ST3GAL4: variants seen among roughly 807,000 people sequenced by gnomAD.
ST3GAL4 encodes ST3 beta-galactoside alpha-2,3-sialyltransferase 4.
A neutral mutation model predicts 42.6 loss-of-function variants in ST3GAL4; 24 were observed. The ratio of observed to expected loss-of-function variants is 0.56; its 90% confidence interval spans 0.41 to 0.79. The LOEUF is 0.79. ST3GAL4 is among the 30% of genes least tolerant of loss of function. The pLI is 0.00. For synonymous variants in ST3GAL4, 135 were observed against 163.2 expected (o/e 0.83, Z 1.32); for missense variants, 311 against 430.8 (o/e 0.72, Z 2.46).
Position 126,414,206 on chromosome 11 carries a change from C to T in ST3GAL4, c.*159C>T, listed in dbSNP as rs1954646452. On this transcript the variant is annotated 3_prime_UTR_variant, in exon 11 of 11. Transcript: ENST00000444328. ...GGCCAGGTCTGAGATGAGGCCATGC[C>T]CCTGGCTGCTCTTATGGAGCCGAGA... is the stretch of plus-strand genomic sequence containing the variant. 4 of 693,256 alleles carry T rather than the reference C, an allele frequency of 5.8e-6. No homozygotes were observed. Among genetic ancestry groups the T allele is most frequent in the South Asian group, 3.5e-5 (2 of 57,634 alleles). The allele number at this position is 693,256 out of a possible 1,614,324, so 42.9% of individuals were successfully genotyped here. A position where few individuals can be genotyped will look rare whatever the true frequency, so the allele number is the denominator to read the frequency against.
At chr11:126,372,178 C>A (rs1167018440) in intron 1 of ST3GAL4, among the ~76,000 whole-genome samples, 2 of 152,176 alleles carry the variant, frequency 1.3e-5, no homozygotes, top group African/African-American at 4.8e-5. Flanking sequence ...CTTTTCGTCT[C>A]GTCAAACTGA....
intron 1 of ST3GAL4, among the ~76,000 whole-genome samples, chr11:126,387,596 C>T (rs1953279421): frequency 6.6e-6 from 1 of 151,452 alleles, no homozygotes; most frequent in Non-Finnish European, 1.5e-5. Context: ...AGGGTTGCTT[C>T]AGCCTGGTGG....
At chr11:126,375,013 C>G (rs1434101394) in intron 1 of ST3GAL4, 2 of 152,228 alleles carry the variant, frequency 1.3e-5, no homozygotes, top group Non-Finnish European at 2.9e-5. Flanking sequence ...AGACTGACTC[C>G]TGGACAGGCT....
At position 126,398,416 on chromosome 11, in the gene ST3GAL4, G is replaced by A. The variant is rs958624124; in HGVS notation, c.-60-7680G>A. Reference sequence around the variant, plus strand: ...TCGGGTAGGGACTTGGGCCCCCAAGGCCTCCGGCAGCCCTGCTTCCCTGGC... The same window carrying A: ...TCGGGTAGGGACTTGGGCCCCCAAGACCTCCGGCAGCCCTGCTTCCCTGGC... On this transcript the variant is annotated intron_variant, in intron 1 of 10. Transcript: ENST00000444328. This position sits in a 1 kb window ranked among gnomAD's most constrained non-coding sequence, Gnocchi z 4.7. 7.9e-5 allele frequency among the ~76,000 whole-genome samples: 12 copies of A among 152,212 alleles called. No homozygotes were observed. The highest frequency in any genetic ancestry group is 2.9e-4 in the African/African-American group (12 of 41,454).
At chr11:126,381,819 G>T (rs530762853) in intron 1 of ST3GAL4, among the ~76,000 whole-genome samples, 2 of 151,608 alleles carry the variant, frequency 1.3e-5, no homozygotes, top group South Asian at 4.2e-4. Flanking sequence ...GCCATTAAAA[G>T]GGGAATCCAT....
intron 1 of ST3GAL4, among the ~76,000 whole-genome samples, chr11:126,402,451 GAAAAAA>G (rs575036017): frequency 9.9e-6 from 1 of 100,990 alleles, no homozygotes. Flanking sequence ...AAGACTGTCT[GAAAAAA>G]AAAAAAAAAA....
At position 126,397,137 on chromosome 11, in the gene ST3GAL4, G is replaced by A. The variant is rs1475133680; in HGVS notation, c.-60-8959G>A. On this transcript the variant is annotated intron_variant, in intron 1 of 10. Coordinates refer to ENST00000444328, the MANE Select transcript of ST3GAL4 (RefSeq NM_001254757.2). The surrounding 1 kb of genome is among the most constrained non-coding windows in gnomAD (Gnocchi z 5.0). ...CGTTTTGAGCGTGCAGTACATTTCA[G>A]TTGTTAGTGGAACATGCAATACATC... Among the ~76,000 whole-genome samples, 2 of 152,078 alleles carry A rather than the reference G, an allele frequency of 1.3e-5. No individual in the cohort carries two copies. The highest frequency in any genetic ancestry group is 2.4e-5 in the African/African-American group (1 of 41,352).
intron 1 of ST3GAL4, among the ~76,000 whole-genome samples, chr11:126,388,070 A>C (rs1953298636): frequency 6.6e-6 from 1 of 152,210 alleles, no homozygotes; most frequent in Non-Finnish European, 1.5e-5. Flanking sequence ...CTGACAGACA[A>C]GTCTGTAGAA....
intron 1 of ST3GAL4, among the ~76,000 whole-genome samples, chr11:126,390,618 C>CTTTTTTTTTTTTTTTTT (rs58153137): frequency 2.1e-4 from 26 of 126,630 alleles, no homozygotes; most frequent in African/African-American, 4.8e-4. Flanking sequence ...GTGTTCTTTG[C>CTTTTTTTTTTTTTTTTT]TTTTTTTTTT....
In ST3GAL4 at chr11:126,406,147, C is replaced by T. The variant is rs1041012797; in HGVS notation, c.-9C>T. On this transcript the variant is annotated 5_prime_UTR_variant, in exon 2 of 11. Transcript: ENST00000444328. The surrounding 1 kb of genome is among the most constrained non-coding windows in gnomAD (Gnocchi z 5.4). ...CTCTCCCCAGGAATCCTGCTGCCTG[C>T]TGAGAAACATGGTCAGCAAGTCCCG... 1.9e-6 allele frequency: 3 copies of T among 1,554,680 alleles called. No homozygotes were observed. Among genetic ancestry groups the T allele is most frequent in the Non-Finnish European group, 2.6e-6 (3 of 1,148,698 alleles).
At position 126,376,374 on chromosome 11, in the gene ST3GAL4, C is replaced by T. The variant is rs1952834140; in HGVS notation, c.-61+20532C>T. Among the ~76,000 whole-genome samples the T allele has an allele frequency of 6.6e-6, 1 of 152,168 alleles. No homozygotes were observed. Among genetic ancestry groups the T allele is most frequent in the Non-Finnish European group, 1.5e-5 (1 of 68,022 alleles). ...CGAAAGAGGTTTAGTGGCCCAATGA[C>T]AGTTTCAGAGGCAGGTGTTTGGAGA... On this transcript the variant is annotated intron_variant, in intron 1 of 10. Coordinates refer to ENST00000444328, the MANE Select transcript of ST3GAL4 (RefSeq NM_001254757.2). The surrounding 1 kb of genome is among the most constrained non-coding windows in gnomAD (Gnocchi z 5.1).
chr11:126,404,161 G>T (rs1954130147), intron 1 of ST3GAL4, among the ~76,000 whole-genome samples: 1 of 152,200 alleles, frequency 6.6e-6, no homozygotes, highest in Admixed American at 6.5e-5. Context: ...AATCGCCAGG[G>T]TATCGTGTTT....
chr11:126,411,729 C>A lies in ST3GAL4; in HGVS notation c.772-1776C>A, dbSNP rs763907127. Reference sequence around the variant, plus strand: ...GCTGTCAGCTGGAGGCTGGGGGCCACGCTCAGCTCTTGGAGGTGGCCCACA... The same window carrying A: ...GCTGTCAGCTGGAGGCTGGGGGCCAAGCTCAGCTCTTGGAGGTGGCCCACA... On this transcript the variant is annotated intron_variant, in intron 9 of 10. Coordinates refer to ENST00000444328, the MANE Select transcript of ST3GAL4 (RefSeq NM_001254757.2). The surrounding 1 kb of genome is among the most constrained non-coding windows in gnomAD (Gnocchi z 6.3). Among the ~76,000 whole-genome samples, 1 of 152,108 alleles carries A rather than the reference C, an allele frequency of 6.6e-6. No individual in the cohort carries two copies. Among genetic ancestry groups the A allele is most frequent in the African/African-American group, 2.4e-5 (1 of 41,426 alleles).
intron 1 of ST3GAL4, among the ~76,000 whole-genome samples, chr11:126,360,236 T>C (rs775105070): frequency 3.3e-5 from 5 of 152,084 alleles, no homozygotes; most frequent in Non-Finnish European, 7.4e-5. Context: ...TGGGTTCTGA[T>C]CATTTGGAGG....
At chr11:126,357,103 C>T (rs187965637) in intron 1 of ST3GAL4, among the ~76,000 whole-genome samples, 3 of 152,224 alleles carry the variant, frequency 2.0e-5, no homozygotes, top group Admixed American at 6.5e-5. Context: ...CGGGGACGTG[C>T]CCGCTGTTTG....
intron 1 of ST3GAL4, among the ~76,000 whole-genome samples, chr11:126,401,478 T>G (rs149302556): frequency 1.0e-3 from 159 of 151,826 alleles, no homozygotes; most frequent in African/African-American, 3.8e-3. Context: ...CAAGAATCAC[T>G]TGAACCTACA....
In ST3GAL4 at chr11:126,397,205, C is replaced by T. The variant is rs1433075417; in HGVS notation, c.-60-8891C>T. On this transcript the variant is annotated intron_variant, in intron 1 of 10. Coordinates refer to ENST00000444328, the MANE Select transcript of ST3GAL4 (RefSeq NM_001254757.2). The surrounding 1 kb of genome is among the most constrained non-coding windows in gnomAD (Gnocchi z 5.0). ...ACTTATTTGTCAGATGTTTGTAAAA[C>T]ATCTGCTACATTCTTGGCAGTTTAA... 1.3e-5 allele frequency among the ~76,000 whole-genome samples: 2 copies of T among 152,120 alleles called. No individual in the cohort carries two copies. The highest frequency in any genetic ancestry group is 2.9e-5 in the Non-Finnish European group (2 of 68,036).
intron 1 of ST3GAL4, among the ~76,000 whole-genome samples, chr11:126,374,096 G>A (rs1243354606): frequency 6.6e-6 from 1 of 151,952 alleles, no homozygotes; most frequent in African/African-American, 2.4e-5. Flanking sequence ...GCAAGCAGGG[G>A]AGGGGGCCTG....
In ST3GAL4 at chr11:126,397,698, G is replaced by A. The variant is rs1461885697; in HGVS notation, c.-60-8398G>A. Among the ~76,000 whole-genome samples, 2 of 152,304 alleles carry A rather than the reference G, an allele frequency of 1.3e-5. No individual in the cohort carries two copies. Among genetic ancestry groups the A allele is most frequent in the Non-Finnish European group, 2.9e-5 (2 of 68,024 alleles). On this transcript the variant is annotated intron_variant, in intron 1 of 10. Transcript: ENST00000444328. This position sits in a 1 kb window ranked among gnomAD's most constrained non-coding sequence, Gnocchi z 5.0. ...ATTTGGCTCACAGTTCTGGAGGCTCGGATGTCCAAGATCTAGAGGACACAT... is the reference window on the plus strand; with the variant it reads ...ATTTGGCTCACAGTTCTGGAGGCTCAGATGTCCAAGATCTAGAGGACACAT...
Sources: allele counts gnomAD v4.1 joint callset (sites outside exome capture counted in the v4.1 genomes callset), GRCh38; gene constraint gnomAD v4.1.1; non-coding constraint Gnocchi (gnomAD v3.1); transcripts MANE v1.5; gene names NCBI Gene and HGNC (gene_info 2026-07-23, HGNC 2026-07-21).